The following SARNP variants were observed in gnomAD, a reference collection of about 807,000 sequenced individuals.
SARNP encodes SAP domain containing ribonucleoprotein.
A neutral mutation model predicts 38.1 loss-of-function variants in SARNP; 5 were observed. The observed-to-expected ratio is 0.13, with a 90% CI of 0.07 to 0.28. The LOEUF is 0.28. Ranked by LOEUF, SARNP falls within the 10% of genes least tolerant of loss-of-function variation. The pLI is 1.00. For synonymous variants in SARNP, 84 were observed against 80.6 expected, an observed-to-expected ratio of 1.04 and a Z score of -0.23; for missense variants, 180 against 243.9, an observed-to-expected ratio of 0.74 and a Z score of 1.75.
chr12:55,781,090 T>C (rs1040442202), intron 9 of SARNP, among the ~76,000 whole-genome samples: 1 of 152,058 alleles, frequency 6.6e-6, no homozygotes, highest in Non-Finnish European at 1.5e-5. Context: ...TTTCAGATGG[T>C]GGGAGAATAG....
chr12:55,770,919 C>A (rs1270643912), intron 9 of SARNP, among the ~76,000 whole-genome samples: 1 of 151,376 alleles, frequency 6.6e-6, no homozygotes, highest in East Asian at 1.9e-4. Flanking sequence ...GTGTTGAAAG[C>A]ATTCACCTTC....
rs531221632 is a variant in SARNP, at chr12:55,774,925, C to T, written c.501+14150G>A. 7.8e-4 allele frequency among the ~76,000 whole-genome samples: 101 copies of T among 129,552 alleles called. 1 individual carries two copies. The highest frequency in any genetic ancestry group is 3.0e-3 in the African/African-American group (99 of 32,562). The allele number at this position is 129,552 out of a possible 152,430, so 85.0% of individuals were successfully genotyped here. ...TTTGGCAGATGGAGTCTCGCTCTGT[C>T]GCCCAGACTGGAGCACAGTGGCGCA... On this transcript the variant is annotated intron_variant, in intron 9 of 10. Coordinates refer to ENST00000336133, the MANE Select transcript of SARNP (RefSeq NM_033082.4).
chr12:55,752,489 G>A (rs985210690), downstream of SARNP: 1 of 152,132 alleles, frequency 6.6e-6, no homozygotes, highest in African/African-American at 2.4e-5. Context: ...GGACTTGGGG[G>A]GCACAGCTCA....
intron 9 of SARNP, among the ~76,000 whole-genome samples, chr12:55,770,265 G>A (rs370141079): frequency 2.7e-5 from 4 of 149,568 alleles, no homozygotes; most frequent in South Asian, 2.1e-4. Context: ...TCGCTCTGTC[G>A]CCCAGGCTGG....
intron 5 of SARNP, 148 bp downstream of exon 5, chr12:55,795,877 T>G: frequency 1.7e-6 from 1 of 572,670 alleles, no homozygotes; most frequent in South Asian, 2.5e-5. Context: ...TTCCAAAGAG[T>G]AGCTGGCAGT....
At chr12:55,760,698 G>A in intron 9 of SARNP, 58 bp from the exon 10 acceptor site, 1 of 1,162,456 alleles carries the variant, frequency 8.6e-7, no homozygotes, top group East Asian at 2.3e-5. Flanking sequence ...CCAAGTAAAT[G>A]GGAATGAAAT....
intron 7 of SARNP, chr12:55,793,109 C>T (rs1170277032): frequency 1.3e-5 from 2 of 152,144 alleles, no homozygotes; most frequent in Non-Finnish European, 2.9e-5. Flanking sequence ...ACAGTGAAAC[C>T]TGTCTCTACT....
intron 7 of SARNP, among the ~76,000 whole-genome samples, chr12:55,792,357 G>A (rs1879697131): frequency 6.6e-6 from 1 of 151,706 alleles, no homozygotes; most frequent in South Asian, 2.1e-4. Context: ...TTAAGTTCCT[G>A]AGAAAAGGGG....
chr12:55,803,346 T>C (rs1214406606), intron 2 of SARNP, among the ~76,000 whole-genome samples: 2 of 151,854 alleles, frequency 1.3e-5, no homozygotes, highest in African/African-American at 2.4e-5. Context: ...CAGCCAGGCA[T>C]GGTGGTGCTC....
At chr12:55,769,094 G>A (rs1358192127) in intron 9 of SARNP, among the ~76,000 whole-genome samples, 3 of 152,066 alleles carry the variant, frequency 2.0e-5, no homozygotes, top group Non-Finnish European at 1.5e-5. Context: ...AATAATTAAC[G>A]ACTAACAATA....
chr12:55,765,680 C>T (rs1236843398), intron 9 of SARNP, among the ~76,000 whole-genome samples: 1 of 152,090 alleles, frequency 6.6e-6, no homozygotes, highest in Admixed American at 6.6e-5. Context: ...GGTGCCTCTT[C>T]AGGAGATACA....
intron 9 of SARNP, among the ~76,000 whole-genome samples, chr12:55,781,322 T>C (rs1879333303): frequency 6.6e-6 from 1 of 151,484 alleles, no homozygotes; most frequent in Admixed American, 6.6e-5. Flanking sequence ...GATCACAAAG[T>C]CAGGAGTTCG....
Position 55,768,420 on chromosome 12 carries a change from G to A in SARNP, c.502-7780C>T, listed in dbSNP as rs570301971. ...GCTGGGATTACAGGCATGAGCCACC[G>A]TGCCCAGCCCTCTTATTTTTTTGAG... is the stretch of plus-strand genomic sequence containing the variant. On this transcript the variant is annotated intron_variant, in intron 9 of 10. Coordinates refer to ENST00000336133, the MANE Select transcript of SARNP (RefSeq NM_033082.4). 2.1e-5 allele frequency among the ~76,000 whole-genome samples: 3 copies of A among 144,838 alleles called. No individual in the cohort carries two copies. In the East Asian group the frequency reaches 6.3e-4, roughly 30 times the overall value.
chr12:55,759,419 C>CTT (rs781001667), intron 10 of SARNP, among the ~76,000 whole-genome samples: 2 of 140,954 alleles, frequency 1.4e-5, no homozygotes, highest in Admixed American at 7.1e-5. Context: ...TTTTTCTTTT[C>CTT]TTTTTTTTTT....
intron 10 of SARNP, among the ~76,000 whole-genome samples, chr12:55,758,136 A>G (rs1358576556): frequency 6.6e-6 from 1 of 152,180 alleles, no homozygotes; most frequent in Non-Finnish European, 1.5e-5. Context: ...TAAAGGAGAC[A>G]GCAACACTGG....
At chr12:55,774,172 G>A (rs946994249) in intron 9 of SARNP, among the ~76,000 whole-genome samples, 1 of 151,712 alleles carries the variant, frequency 6.6e-6, no homozygotes, top group African/African-American at 2.4e-5. Context: ...CCAGCTAATT[G>A]TTTATTTTCT....
rs6581081 is a variant in SARNP at position 55,758,040 on chromosome 12, C to T, written c.592-487G>A. Among the ~76,000 whole-genome samples, 658 of 152,172 alleles carry T rather than the reference C, an allele frequency of 4.3e-3. 9 individuals carry two copies. The highest frequency in any genetic ancestry group is 0.011 in the African/African-American group (455 of 41,536). On this transcript the variant is annotated intron_variant, in intron 10 of 10. Coordinates refer to ENST00000336133, the MANE Select transcript of SARNP (RefSeq NM_033082.4). ...AGTAGCTATTCCTTAGGACTCCAAC[C>T]CACAAAAAAGGCATATAAATCTTTG...
intron 10 of SARNP, among the ~76,000 whole-genome samples, chr12:55,760,065 C>T (rs1878628245): frequency 6.6e-6 from 1 of 152,302 alleles, no homozygotes; most frequent in South Asian, 2.1e-4. Context: ...TCCAAGCCTA[C>T]CTGATTCCAA....
intron 9 of SARNP, among the ~76,000 whole-genome samples, chr12:55,766,676 G>A (rs549108742): frequency 2.6e-4 from 38 of 144,390 alleles, no homozygotes; most frequent in African/African-American, 9.1e-4. Context: ...AGGCTGGAGT[G>A]TAGTGGCTCA....
Sources: gnomAD v4.1 joint callset for allele counts (sites outside exome capture counted in the v4.1 genomes callset) on GRCh38, gnomAD v4.1.1 for gene constraint, MANE v1.5 for transcripts, NCBI Gene and HGNC (gene_info 2026-07-23, HGNC 2026-07-21) for gene names.